Variants in FGF9 observed in about 807,000 individuals in gnomAD.
FGF9 encodes fibroblast growth factor 9, also known as fibroblast growth factor 9 (glia-activating factor).
A neutral mutation model predicts 19.9 loss-of-function variants in FGF9; 3 were observed. The observed-to-expected ratio is 0.15, with a 90% CI of 0.07 to 0.39. FGF9 has a LOEUF of 0.39. Among genes scored for constraint, FGF9 ranks in the 10% least tolerant of loss-of-function variants. The pLI is 1.00. For missense variants in FGF9, 175 were observed against 256.8 expected, an observed-to-expected ratio of 0.68 and a Z score of 2.18; for synonymous variants, 107 against 106.9, an observed-to-expected ratio of 1.00 and a Z score of -0.01.
In FGF9 at chr13:21,694,140, G is replaced by A. The variant is rs148089202; in HGVS notation, c.382-7050G>A. Among the ~76,000 whole-genome samples the A allele has an allele frequency of 2.3e-3, 351 of 152,160 alleles. 3 individuals carry two copies. The highest frequency in any genetic ancestry group is 7.9e-3 in the African/African-American group (327 of 41,510). ...TTTACAGAGGAGAAAATGGAGCCCC[G>A]GGAATGTTAATCGACTCACCCACAG... is the stretch of plus-strand genomic sequence containing the variant. On this transcript the variant is annotated intron_variant, in intron 2 of 2. Transcript: ENST00000382353.
In FGF9 at chr13:21,691,419, A is replaced by G. The variant is rs538138095; in HGVS notation, c.382-9771A>G. On this transcript the variant is annotated intron_variant, in intron 2 of 2. Coordinates refer to ENST00000382353, the MANE Select transcript of FGF9 (RefSeq NM_002010.3). The surrounding 1 kb of genome is among the most constrained non-coding windows in gnomAD (Gnocchi z 4.2). Reference sequence around the variant, plus strand: ...GTGTTCTCAGTAGAGAAACCTTTTCAGCCAAGAAGGCAACTTTGCTGCAGG... The same window carrying G: ...GTGTTCTCAGTAGAGAAACCTTTTCGGCCAAGAAGGCAACTTTGCTGCAGG... Among the ~76,000 whole-genome samples, 172 of 152,352 alleles carry G rather than the reference A, an allele frequency of 1.1e-3. 1 individual carries two copies. The highest frequency in any genetic ancestry group is 3.8e-3 in the African/African-American group (158 of 41,588).
rs779192127 is a variant in FGF9, at chr13:21,701,399, A to G, written c.591A>G (p.Val197=). The change falls in exon 3 of 3, where the codon GTA becomes GTG. Residue 197 remains valine (V), a synonymous_variant. Coordinates refer to ENST00000382353, the MANE Select transcript of FGF9 (RefSeq NM_002010.3). ...CTAGACCAGTGGACCCCGACAAAGT[A>G]CCTGAACTGTATAAGGATATTCTAA... The part of the protein sequence containing the change: ...FLPRPVDPDK[V]PELYKDILSQ... 6.2e-7 allele frequency: 1 copy of G among 1,613,926 alleles called. No homozygotes were observed. The highest frequency in any genetic ancestry group is 1.3e-5 in the African/African-American group (1 of 74,898).
Position 21,701,314 on chromosome 13 carries a change from A to G in FGF9, c.506A>G (p.Asp169Gly). Residue 169 changes from aspartate to glycine, a missense_variant, in exon 3 of 3, where the codon GAT becomes GGT. Physicochemically the swap from Asp to Gly is moderately conservative, Grantham distance 94 (BLOSUM62 -1). Transcript: ENST00000382353. ...CGATACTATGTTGCATTAAATAAAG[A>G]TGGGACCCCGAGAGAAGGGACTAGG... is the stretch of plus-strand genomic sequence containing the variant. ...GRRYYVALNK[D>G]GTPREGTRTK... 6.2e-7 allele frequency: 1 copy of G among 1,614,190 alleles called. No individual in the cohort carries two copies. Among genetic ancestry groups the G allele is most frequent in the Non-Finnish European group, 8.5e-7 (1 of 1,180,030 alleles).
At chr13:21,701,143 T>A (rs997316078) in intron 2 of FGF9, 47 bp from the exon 3 acceptor site, 22 of 1,498,924 alleles carry the variant, frequency 1.5e-5, no homozygotes, top group Admixed American at 3.5e-5. Flanking sequence ...AAGCCCAGCA[T>A]GCATTAGCTA....
At chr13:21,693,198 G>A (rs552815985) in intron 2 of FGF9, among the ~76,000 whole-genome samples, 1 of 152,312 alleles carries the variant, frequency 6.6e-6, no homozygotes, top group South Asian at 2.1e-4. Flanking sequence ...GAGGGGAAGG[G>A]CCATTTCTAT....
intron 2 of FGF9, among the ~76,000 whole-genome samples, chr13:21,698,273 C>T (rs929479978): frequency 6.6e-6 from 1 of 152,218 alleles, no homozygotes; most frequent in Non-Finnish European, 1.5e-5. Context: ...AATTGCTTCA[C>T]ATCTGGGCCT....
In FGF9 at chr13:21,673,892, G is replaced by A. The variant is rs1871836209; in HGVS notation, c.277+1703G>A. Reference sequence around the variant, plus strand: ...CCCGCGGCGCACTTAGCGGCTGCCCGGCCGGCTCCGCGCGGTCCTAAACGC... The same window carrying A: ...CCCGCGGCGCACTTAGCGGCTGCCCAGCCGGCTCCGCGCGGTCCTAAACGC... On this transcript the variant is annotated intron_variant, in intron 1 of 2. Transcript: ENST00000382353. The A allele has an allele frequency of 2.0e-5, 3 of 151,720 alleles. No individual in the cohort carries two copies. The South Asian group carries it at 6.2e-4, about 31-fold the overall frequency. The allele number at this position is 151,720 out of a possible 1,614,324, so 9.4% of individuals were successfully genotyped here.
At chr13:21,694,213 T>C (rs921320736) in intron 2 of FGF9, among the ~76,000 whole-genome samples, 1 of 152,204 alleles carries the variant, frequency 6.6e-6, no homozygotes, top group South Asian at 2.1e-4. Flanking sequence ...ATGCCTCTAC[T>C]AGGGACACTC....
intron 1 of FGF9, among the ~76,000 whole-genome samples, chr13:21,675,992 C>T (rs888496723): frequency 2.0e-5 from 3 of 151,328 alleles, no homozygotes; most frequent in Non-Finnish European, 4.4e-5. Context: ...AAAAGGAACT[C>T]GCAATTGTAT....
chr13:21,700,684 C>T (rs1872518938), intron 2 of FGF9, among the ~76,000 whole-genome samples: 1 of 152,224 alleles, frequency 6.6e-6, no homozygotes, highest in Admixed American at 6.5e-5. Context: ...GGCTCTCCCT[C>T]CCAGTGTGGT....
rs1391997109 is a variant in FGF9 at position 21,701,197 on chromosome 13, T to C, written c.389T>C (p.Leu130Pro). The C allele has an allele frequency of 1.2e-6, 2 of 1,613,586 alleles. No homozygotes were observed. Among genetic ancestry groups the C allele is most frequent in the Admixed American group, 3.3e-5 (2 of 59,998 alleles). The change falls in exon 3 of 3, where the codon CTA becomes CCA. Residue 130 changes from leucine (L) to proline (P), a missense_variant. Physicochemically the swap from Leu to Pro is moderately conservative, Grantham distance 98. Around this residue, in one of 3 missense-constraint regions of FGF9, gnomAD observed 101 missense variants for 160.7 expected, o/e 0.63. Transcript: ENST00000382353. ...EKGELYGSEK[L>P]TQECVFREQF... ...CTCTTTTTCTTTTTACAGGAAAAAC[T>C]AACCCAAGAGTGTGTATTCAGAGAA...
At chr13:21,681,710 A>G (rs1872046913) in intron 2 of FGF9, among the ~76,000 whole-genome samples, 1 of 152,170 alleles carries the variant, frequency 6.6e-6, no homozygotes, top group African/African-American at 2.4e-5. Context: ...CTCATGGGAG[A>G]CAGTGAAGAA....
Position 21,683,695 on chromosome 13 carries a change from A to G in FGF9, c.381+2550A>G, listed in dbSNP as rs1361237946. ...TCGTGAAGAGTGCCCAGGCTTGGAA[A>G]CTGCTCCAAGGAAGGGTGGCTGTGA... is the stretch of plus-strand genomic sequence containing the variant. On this transcript the variant is annotated intron_variant, in intron 2 of 2. Coordinates refer to ENST00000382353, the MANE Select transcript of FGF9 (RefSeq NM_002010.3). Among the ~76,000 whole-genome samples the G allele has an allele frequency of 2.0e-5, 3 of 152,242 alleles. No homozygotes were observed. In the East Asian group the frequency reaches 5.8e-4, roughly 29 times the overall value.
chr13:21,700,018 GTGT>G (rs1872503996), intron 2 of FGF9, among the ~76,000 whole-genome samples: 1 of 5,684 alleles, frequency 1.8e-4, no homozygotes, highest in Non-Finnish European at 4.8e-4. Flanking sequence ...GGGATGTGGT[GTGT>G]GTGTGTGTGT....
intron 2 of FGF9, among the ~76,000 whole-genome samples, chr13:21,684,672 T>C (rs1240501266): frequency 6.6e-6 from 1 of 152,208 alleles, no homozygotes; most frequent in Non-Finnish European, 1.5e-5. Context: ...TGCTACGAAG[T>C]AGGCACCAGG....
chr13:21,673,034 T>A (rs1871806393), intron 1 of FGF9, among the ~76,000 whole-genome samples: 1 of 152,214 alleles, frequency 6.6e-6, no homozygotes, highest in South Asian at 2.1e-4. Flanking sequence ...ACTCGAGGGC[T>A]GGTGGCTCTG....
chr13:21,673,850 C>A (rs1417602638), intron 1 of FGF9, among the ~76,000 whole-genome samples: 1 of 150,772 alleles, frequency 6.6e-6, no homozygotes, highest in Non-Finnish European at 1.5e-5. Context: ...GGCAGGTGCC[C>A]GCTCGGCCGC....
At chr13:21,687,666 G>A (rs1872192896) in intron 2 of FGF9, among the ~76,000 whole-genome samples, 1 of 152,176 alleles carries the variant, frequency 6.6e-6, no homozygotes, top group Admixed American at 6.5e-5. Flanking sequence ...TTCTTCCTAT[G>A]TGAGTTCCTG....
At position 21,672,327 on chromosome 13, in the gene FGF9, T is replaced by A; in HGVS notation, c.277+138T>A. On this transcript the variant is annotated intron_variant, in intron 1 of 2. Coordinates refer to ENST00000382353, the MANE Select transcript of FGF9 (RefSeq NM_002010.3). This position sits in a 1 kb window ranked among gnomAD's most constrained non-coding sequence, Gnocchi z 4.2. ...CTTTCTCTGTATCTCTGTCTCTCTCTCTCTCTGTCTTGCCAGCTCCGAAAA... is the reference window on the plus strand; with the variant it reads ...CTTTCTCTGTATCTCTGTCTCTCTCACTCTCTGTCTTGCCAGCTCCGAAAA... 1.0e-6 allele frequency: 1 copy of A among 965,458 alleles called. No homozygotes were observed. The highest frequency in any genetic ancestry group is 1.6e-6 in the Non-Finnish European group (1 of 619,414). The allele number at this position is 965,458 out of a possible 1,614,324, so 59.8% of individuals were successfully genotyped here.
Sources: allele counts gnomAD v4.1 joint callset (sites outside exome capture counted in the v4.1 genomes callset), GRCh38; gene constraint gnomAD v4.1.1; regional missense constraint gnomAD v4.1.1; non-coding constraint Gnocchi (gnomAD v3.1); transcripts MANE v1.5; gene names NCBI Gene and HGNC (gene_info 2026-07-23, HGNC 2026-07-21).